RAB11FIP1: variants seen among roughly 807,000 people sequenced by gnomAD.
RAB11FIP1 encodes the protein rab11 family-interacting protein 1.
RAB11FIP1 carries 49 observed loss-of-function variants against 83.1 expected under a neutral mutation model. The observed-to-expected ratio is 0.59, with a 90% CI of 0.47 to 0.75. The LOEUF (loss-of-function observed/expected upper bound fraction) is 0.75, where lower values mean the gene tolerates loss of function less well. RAB11FIP1 is among the 30% of genes least tolerant of loss of function. RAB11FIP1 has a pLI of 0.00. For synonymous variants in RAB11FIP1, 670 were observed against 656.0 expected (o/e 1.02, Z -0.33); for missense variants, 1,536 against 1,598.7 (o/e 0.96, Z 0.67).
At chr8:37,873,872 T>C (rs1419027763) in intron 3 of RAB11FIP1, among the ~76,000 whole-genome samples, 2 of 91,686 alleles carry the variant, frequency 2.2e-5, no homozygotes, top group East Asian at 4.4e-4. Flanking sequence ...TGTGTGTATA[T>C]GTGTGTGTGT....
chr8:37,872,578 C>T lies in RAB11FIP1; in HGVS notation c.2224G>A (p.Gly742Arg), dbSNP rs113518945. ...CTGTCTCCTCCTGCTGCAAGCTCCC[C>T]AACAGGGCTCACAGCTCCATCACTG... ...LSSDGAVSPV[G>R]ELAAGGDRDL... The change falls in exon 4 of 6, where the codon GGG (glycine) becomes AGG (arginine). Residue 742 changes from glycine to arginine, a missense_variant. Gly to Arg is a moderately radical substitution (Grantham distance 125, BLOSUM62 -2). Coordinates refer to ENST00000330843, the MANE Select transcript of RAB11FIP1 (RefSeq NM_001002814.3). 4.3e-6 allele frequency: 7 copies of T among 1,614,238 alleles called. No individual in the cohort carries two copies. In the African/African-American group the frequency reaches 5.3e-5, roughly 12 times the overall value.
At chr8:37,897,029 G>A (rs1807102683) in intron 1 of RAB11FIP1, among the ~76,000 whole-genome samples, 1 of 152,158 alleles carries the variant, frequency 6.6e-6, no homozygotes, top group South Asian at 2.1e-4. Flanking sequence ...AAGCTGAAGG[G>A]AAGCCAACCC....
At chr8:37,877,876 T>C in intron 1 of RAB11FIP1, 1 of 191,394 alleles carries the variant, frequency 5.2e-6, no homozygotes, top group Non-Finnish European at 1.1e-5. Flanking sequence ...CGCGTGACCA[T>C]GTCCAGCTAA....
intron 1 of RAB11FIP1, among the ~76,000 whole-genome samples, chr8:37,891,129 A>G (rs1402133438): frequency 3.3e-5 from 5 of 152,208 alleles, no homozygotes; most frequent in Non-Finnish European, 7.3e-5. Context: ...GAACCAGGAC[A>G]TCTTATGGAG....
rs1217810989 is a variant in RAB11FIP1, at chr8:37,875,435, T to C, written c.815-113A>G. ...TCTGGTTGCCACAACTTGGAGGGGG[T>C]GTGCTGCTATTCGTATCCAGCAGGT... On this transcript the variant is annotated intron_variant, in intron 2 of 5. Transcript: ENST00000330843. 1.2e-5 allele frequency: 9 copies of C among 754,248 alleles called. No individual in the cohort carries two copies. In the East Asian group the frequency reaches 2.0e-4, roughly 16 times the overall value. The allele number at this position is 754,248 out of a possible 1,614,324, so 46.7% of individuals were successfully genotyped here.
rs1366762982 is a variant in RAB11FIP1, at chr8:37,861,556, T to G, written c.*1339A>C. The G allele has an allele frequency of 4.5e-6, 2 of 442,156 alleles. No homozygotes were observed. 27.4% of individuals were successfully genotyped at this position (442,156 alleles called of 1,614,324 possible). A position where few individuals can be genotyped will look rare whatever the true frequency, so the allele number is the denominator to read the frequency against. ...AGTGAAGGGGCTTCTTTTTTTCTTT[T>G]TAGTTTTTTTTAAGACAGAGTCTTA... On this transcript the variant is annotated 3_prime_UTR_variant, in exon 6 of 6. Transcript: ENST00000330843.
intron 5 of RAB11FIP1, among the ~76,000 whole-genome samples, chr8:37,866,834 G>A (rs969825522): frequency 1.3e-5 from 2 of 152,116 alleles, no homozygotes; most frequent in Middle Eastern, 3.2e-3. Context: ...CATCTATCAC[G>A]TGGCAGGCCA....
intron 1 of RAB11FIP1, among the ~76,000 whole-genome samples, chr8:37,893,025 C>A (rs568758388): frequency 1.3e-5 from 2 of 151,910 alleles, no homozygotes; most frequent in East Asian, 3.9e-4. Context: ...TGTCCTCTTT[C>A]TCCACAGTAC....
intron 1 of RAB11FIP1, among the ~76,000 whole-genome samples, chr8:37,892,354 C>T (rs1385824270): frequency 1.3e-5 from 2 of 152,122 alleles, no homozygotes; most frequent in East Asian, 3.9e-4. Context: ...GCTTCAAATC[C>T]ATTCTCTACC....
At chr8:37,869,104 T>A (rs1311882567) in intron 5 of RAB11FIP1, among the ~76,000 whole-genome samples, 4 of 151,602 alleles carry the variant, frequency 2.6e-5, no homozygotes, top group Non-Finnish European at 4.4e-5. Flanking sequence ...GGTGCTCGCC[T>A]GTAGTCCCAG....
Position 37,874,712 on chromosome 8 carries a change from G to A in RAB11FIP1, c.1425C>T (p.Asp475=), listed in dbSNP as rs202123983. 1.8e-5 allele frequency: 29 copies of A among 1,614,038 alleles called. No homozygotes were observed. The highest frequency in any genetic ancestry group is 3.3e-4 in the Middle Eastern group (2 of 6,060). Reference sequence around the variant, plus strand: ...CAAGGTCTTCAGCAGGCCCCGATGCGTCCTCCCCCGGCTTAACCCCCATCA... The same window carrying A: ...CAAGGTCTTCAGCAGGCCCCGATGCATCCTCCCCCGGCTTAACCCCCATCA... ...GMLMGVKPGE[D]ASGPAEDLVR... is the part of the protein sequence containing the mutation. Residue 475 remains aspartate, a synonymous_variant, in exon 3 of 6, where the codon GAC becomes GAT. Coordinates refer to ENST00000330843, the MANE Select transcript of RAB11FIP1 (RefSeq NM_001002814.3).
In RAB11FIP1 at chr8:37,872,701, G is replaced by A. The variant is rs774921692; in HGVS notation, c.2101C>T (p.Arg701Ter). Residue 701 changes from arginine (R) to a stop codon, truncating the protein, a stop_gained, in exon 4 of 6, where the codon CGA becomes TGA. Coordinates refer to ENST00000330843, the MANE Select transcript of RAB11FIP1 (RefSeq NM_001002814.3). LOFTEE classifies it high-confidence loss of function. ...AATCTCGGAAGTTCTTCCTCTTGTC[G>A]CCCTGTTTCAGGCTGCTCTGGGAGA... ...ESLPEQPETG[R>*]QEEELPRFPC... 34 of 1,614,018 alleles carry A rather than the reference G, an allele frequency of 2.1e-5. No individual in the cohort carries two copies. Among genetic ancestry groups the A allele is most frequent in the East Asian group, 6.7e-5 (3 of 44,896 alleles).
intron 1 of RAB11FIP1, among the ~76,000 whole-genome samples, chr8:37,885,450 C>A (rs1806814057): frequency 6.6e-6 from 1 of 152,170 alleles, no homozygotes; most frequent in Non-Finnish European, 1.5e-5. Flanking sequence ...TTTATACACC[C>A]TCCCAAATGG....
At chr8:37,885,619 G>A (rs1344413281) in intron 1 of RAB11FIP1, among the ~76,000 whole-genome samples, 1 of 152,132 alleles carries the variant, frequency 6.6e-6, no homozygotes, top group Non-Finnish European at 1.5e-5. Context: ...TCAAAAAGAT[G>A]TTTTATGAAG....
At chr8:37,881,025 TC>T (rs1451792004) in intron 1 of RAB11FIP1, among the ~76,000 whole-genome samples, 1 of 152,188 alleles carries the variant, frequency 6.6e-6, no homozygotes, top group Non-Finnish European at 1.5e-5. Flanking sequence ...ACAGGGCAGA[TC>T]CCTGCCCCCA....
At chr8:37,894,713 TATATATATAC>T (rs1017489903) in intron 1 of RAB11FIP1, among the ~76,000 whole-genome samples, 10 of 146,382 alleles carry the variant, frequency 6.8e-5, no homozygotes, top group African/African-American at 2.3e-4. Flanking sequence ...TATATATACA[TATATATATAC>T]ATATATATAT....
At position 37,874,748 on chromosome 8, in the gene RAB11FIP1, C is replaced by T. The variant is rs1208945889; in HGVS notation, c.1389G>A (p.Lys463=). The T allele has an allele frequency of 6.2e-7, 1 of 1,614,098 alleles. No homozygotes were observed. Residue 463 remains lysine (K), a synonymous_variant, in exon 3 of 6, where the codon AAG becomes AAA. Coordinates refer to ENST00000330843, the MANE Select transcript of RAB11FIP1 (RefSeq NM_001002814.3). ...ENPLTVPGRE[K]EGMLMGVKPG... ...GCTTAACCCCCATCAGCATGCCTTC[C>T]TTCTCCCTCCCTGGGACCGTGAGAG...
Position 37,873,073 on chromosome 8 carries a change from G to A in RAB11FIP1, c.1729C>T (p.Pro577Ser). 3 of 1,614,114 alleles carry A rather than the reference G, an allele frequency of 1.9e-6. No individual in the cohort carries two copies. Among genetic ancestry groups the A allele is most frequent in the Non-Finnish European group, 2.5e-6 (3 of 1,180,028 alleles). ...LPSSSGQASV[P>S]SELGHGADTQ... Reference sequence around the variant, plus strand: ...TCTGCACCATGTCCCAATTCAGAGGGGACAGATGCCTGGCCAGAGCTAGAA... The same window carrying A: ...TCTGCACCATGTCCCAATTCAGAGGAGACAGATGCCTGGCCAGAGCTAGAA... Residue 577 changes from proline to serine, a missense_variant, in exon 4 of 6, where the codon CCC becomes TCC. Transcript: ENST00000330843.
rs922490867 is a variant in RAB11FIP1 at position 37,860,549 on chromosome 8, G to GC, written c.*2345dup. 1 of 152,128 alleles carries GC rather than the reference G, an allele frequency of 6.6e-6. No individual in the cohort carries two copies. The highest frequency in any genetic ancestry group is 2.4e-5 in the African/African-American group (1 of 41,396). The allele number at this position is 152,128 out of a possible 1,614,324, so 9.4% of individuals were successfully genotyped here. A position where few individuals can be genotyped will look rare whatever the true frequency, so the allele number is the denominator to read the frequency against. On this transcript the variant is annotated 3_prime_UTR_variant, in exon 6 of 6. Coordinates refer to ENST00000330843, the MANE Select transcript of RAB11FIP1 (RefSeq NM_001002814.3). ...GTAGAGACGGGGTTTTGCCATGTTG[G>GC]CCAGGCTGGTCTCGAACTCCTGACC...
Sources: allele counts gnomAD v4.1 joint callset (sites outside exome capture counted in the v4.1 genomes callset), GRCh38; gene constraint gnomAD v4.1.1; transcripts MANE v1.5; gene names NCBI Gene and HGNC (gene_info 2026-07-23, HGNC 2026-07-21).